ATP2B2: variants seen among roughly 807,000 people sequenced by gnomAD.
ATP2B2 encodes the protein plasma membrane calcium-transporting ATPase 2.
Under a neutral mutation model 120.0 loss-of-function variants are expected in ATP2B2, and 15 were observed. The ratio of observed to expected loss-of-function variants is 0.12; its 90% confidence interval spans 0.08 to 0.19. The LOEUF is 0.19. Ranked by LOEUF, ATP2B2 falls within the 10% of genes least tolerant of loss-of-function variation. The pLI is 1.00. For synonymous variants in ATP2B2, 694 were observed against 700.3 expected, an observed-to-expected ratio of 0.99 and a Z score of 0.14; for missense variants, 1,045 against 1,719.8, an observed-to-expected ratio of 0.61 and a Z score of 6.94.
intron 1 of ATP2B2, among the ~76,000 whole-genome samples, chr3:10,625,820 T>C (rs1331514647): frequency 7.2e-5 from 11 of 152,210 alleles, no homozygotes; most frequent in Non-Finnish European, 1.5e-5. Flanking sequence ...GCGTATTGTA[T>C]GTTTAACACC....
At chr3:10,388,066 T>C (rs992117916) in intron 6 of ATP2B2, 6 of 632,178 alleles carry the variant, frequency 9.5e-6, no homozygotes, top group Middle Eastern at 8.5e-4. Flanking sequence ...ATGACATGAT[T>C]GGACAAGACA....
At chr3:10,349,883 T>G (rs1054463702) in intron 16 of ATP2B2, among the ~76,000 whole-genome samples, 1 of 152,120 alleles carries the variant, frequency 6.6e-6, no homozygotes, top group Non-Finnish European at 1.5e-5. Flanking sequence ...GTCCATTGCT[T>G]CCTAGGGGAG....
intron 1 of ATP2B2, among the ~76,000 whole-genome samples, chr3:10,656,450 G>C (rs2070630334): frequency 1.3e-5 from 2 of 152,104 alleles, no homozygotes; most frequent in African/African-American, 2.4e-5. Flanking sequence ...CCTCCACTGG[G>C]AGCTCCTTCT....
intron 2 of ATP2B2, among the ~76,000 whole-genome samples, chr3:10,607,875 A>AG (rs766479234): frequency 6.6e-6 from 1 of 152,130 alleles, no homozygotes; most frequent in African/African-American, 2.4e-5. Flanking sequence ...GCAGGGGTCT[A>AG]GGGGGGTGAT....
At position 10,560,396 on chromosome 3, in the gene ATP2B2, C is replaced by T. The variant is rs114106227; in HGVS notation, c.-414-26263G>A. 4.4e-3 allele frequency among the ~76,000 whole-genome samples: 663 copies of T among 152,282 alleles called. 6 individuals are homozygous for T. The highest frequency in any genetic ancestry group is 0.014 in the African/African-American group (580 of 41,542). On this transcript the variant is annotated intron_variant, in intron 2 of 21. Transcript: ENST00000646379. Reference sequence around the variant, plus strand: ...GGGGTACCTCACTGAGGCTCTCACTCTGATGTAATCAGAACACCAAAGGAA... The same window carrying T: ...GGGGTACCTCACTGAGGCTCTCACTTTGATGTAATCAGAACACCAAAGGAA...
At chr3:10,387,710 C>A (rs2075314) in intron 6 of ATP2B2, among the ~76,000 whole-genome samples, 9 of 152,008 alleles carry the variant, frequency 5.9e-5, no homozygotes, top group Non-Finnish European at 1.3e-4. Flanking sequence ...AATAAGGAAT[C>A]TTATTTTCAA....
At chr3:10,508,178 C>T (rs896400217), upstream of ATP2B2, among the ~76,000 whole-genome samples, 34 of 152,174 alleles carry the variant, frequency 2.2e-4, no homozygotes, top group African/African-American at 7.5e-4. Context: ...GCATCCACCC[C>T]GCAGTGACTG....
intron 11 of ATP2B2, 72 bp from the exon 12 acceptor site, chr3:10,372,123 T>C (rs986929013): frequency 3.1e-6 from 5 of 1,599,912 alleles, no homozygotes; most frequent in African/African-American, 2.7e-5. Context: ...CTGGAGGCAC[T>C]GGGTAAACAT....
chr3:10,480,853 C>T (rs1471511537), intron 1 of ATP2B2, among the ~76,000 whole-genome samples: 1 of 152,270 alleles, frequency 6.6e-6, no homozygotes, highest in Non-Finnish European at 1.5e-5. Flanking sequence ...CATTGTCCTG[C>T]TTAAAACCTC....
intron 22 of ATP2B2, chr3:10,332,005 T>C: frequency 6.4e-7 from 1 of 1,550,480 alleles, no homozygotes; most frequent in Non-Finnish European, 8.7e-7. Flanking sequence ...CACTCTCTCT[T>C]GCTGAACTCT....
chr3:10,520,921 T>G (rs2066973264), intron 3 of ATP2B2, among the ~76,000 whole-genome samples: 1 of 152,156 alleles, frequency 6.6e-6, no homozygotes, highest in Non-Finnish European at 1.5e-5. Flanking sequence ...AGATAAACTC[T>G]CCAAGCCCCT....
chr3:10,467,589 G>A (rs1231400343), intron 1 of ATP2B2, among the ~76,000 whole-genome samples: 2 of 152,168 alleles, frequency 1.3e-5, no homozygotes, highest in African/African-American at 4.8e-5. Context: ...CCCAGAAACT[G>A]GGAAAGAACA....
At chr3:10,413,353 C>T (rs148877962) in intron 2 of ATP2B2, among the ~76,000 whole-genome samples, 12 of 152,338 alleles carry the variant, frequency 7.9e-5, no homozygotes, top group Non-Finnish European at 1.5e-4. Flanking sequence ...ACTGGGGGAG[C>T]CCAGGGATGG....
intron 2 of ATP2B2, among the ~76,000 whole-genome samples, chr3:10,610,291 TA>T (rs1400919249): frequency 1.3e-5 from 2 of 151,944 alleles, no homozygotes; most frequent in Middle Eastern, 3.4e-3. Flanking sequence ...CTTCCAACCC[TA>T]AATGGGTTGG....
chr3:10,610,844 G>A (rs2069215193), intron 2 of ATP2B2, among the ~76,000 whole-genome samples: 1 of 152,172 alleles, frequency 6.6e-6, no homozygotes. Flanking sequence ...TCTGAGAACT[G>A]GGAGGCATGG....
intron 2 of ATP2B2, among the ~76,000 whole-genome samples, chr3:10,540,237 G>A (rs2067404963): frequency 6.6e-6 from 1 of 152,214 alleles, no homozygotes; most frequent in African/African-American, 2.4e-5. Flanking sequence ...TGGAGAGGAT[G>A]TAGAGAAATA....
At chr3:10,625,679 C>T (rs1236403621) in intron 1 of ATP2B2, among the ~76,000 whole-genome samples, 2 of 152,146 alleles carry the variant, frequency 1.3e-5, no homozygotes, top group Non-Finnish European at 1.5e-5. Flanking sequence ...GCAGCCAGGG[C>T]TACCCCTCTG....
intron 14 of ATP2B2, among the ~76,000 whole-genome samples, chr3:10,358,342 T>C (rs769669046): frequency 1.3e-5 from 2 of 152,210 alleles, no homozygotes; most frequent in African/African-American, 2.4e-5. Context: ...TCCTGGCTCC[T>C]GCAGGGCAAG....
intron 1 of ATP2B2, among the ~76,000 whole-genome samples, chr3:10,486,320 C>CGTGTGTGCGT (rs1049628903): frequency 8.6e-6 from 1 of 115,816 alleles, no homozygotes; most frequent in Admixed American, 8.4e-5. Flanking sequence ...GGTGTGTGTG[C>CGTGTGTGCGT]GTGCGTGTGT....
Sources: gnomAD v4.1 joint callset for allele counts (sites outside exome capture counted in the v4.1 genomes callset) on GRCh38, gnomAD v4.1.1 for gene constraint, MANE v1.5 for transcripts, NCBI Gene and HGNC (gene_info 2026-07-23, HGNC 2026-07-21) for gene names.